The following AKAP6 variants were observed in gnomAD, a reference collection of about 807,000 sequenced individuals.
AKAP6 encodes the protein A-kinase anchoring protein 6, also known as A-kinase anchor protein 6.
AKAP6 carries 58 observed loss-of-function variants against 188.5 expected under a neutral mutation model. The ratio of observed to expected loss-of-function variants is 0.31; its 90% confidence interval spans 0.25 to 0.38. AKAP6 has a LOEUF of 0.38. Ranked by LOEUF, AKAP6 falls within the 10% of genes least tolerant of loss-of-function variation. AKAP6 has a pLI of 1.00. For synonymous variants in AKAP6, 989 were observed against 998.6 expected (o/e 0.99, Z 0.18); for missense variants, 2,710 against 2,740.0 (o/e 0.99, Z 0.24).
chr14:32,580,051 A>G (rs897576655), intron 5 of AKAP6, among the ~76,000 whole-genome samples: 6 of 152,150 alleles, frequency 3.9e-5, no homozygotes, highest in Admixed American at 3.9e-4. Flanking sequence ...TATTATAAAG[A>G]AAAATATAAA....
At chr14:32,707,189 T>A (rs1317614651) in intron 9 of AKAP6, among the ~76,000 whole-genome samples, 3 of 152,072 alleles carry the variant, frequency 2.0e-5, no homozygotes, top group African/African-American at 4.8e-5. Flanking sequence ...TTATTTAATT[T>A]AAAAAAATCT....
intron 1 of AKAP6, among the ~76,000 whole-genome samples, chr14:32,418,277 G>A (rs141060619): frequency 7.2e-5 from 11 of 152,306 alleles, no homozygotes; most frequent in Non-Finnish European, 1.2e-4. Flanking sequence ...CCTTCCAAAC[G>A]TCTGAATCAC....
chr14:32,386,389 T>C (rs1957647), intron 1 of AKAP6, among the ~76,000 whole-genome samples: 145,359 of 152,216 alleles, frequency 0.95, 69,450 homozygotes, highest in Non-Finnish European at 0.97. Flanking sequence ...GTTTGTTGGC[T>C]ATTTGTATGT....
At position 32,830,102 on chromosome 14, in the gene AKAP6, T is replaced by G; in HGVS notation, c.*297T>G. ...TCCCAAGCTACCTCTACCAACCCTC[T>G]CTCTCCAGCTAGACTTTTCTCTTTG... On this transcript the variant is annotated 3_prime_UTR_variant, in exon 14 of 14. Coordinates refer to ENST00000280979, the MANE Select transcript of AKAP6 (RefSeq NM_004274.5). 3.3e-6 allele frequency: 2 copies of G among 614,048 alleles called. No homozygotes were observed. Among genetic ancestry groups the G allele is most frequent in the Admixed American group, 2.5e-5 (1 of 39,564 alleles). The allele number at this position is 614,048 out of a possible 1,614,324, so 38.0% of individuals were successfully genotyped here.
chr14:32,457,923 C>A (rs1458816632), intron 2 of AKAP6, among the ~76,000 whole-genome samples: 1 of 152,192 alleles, frequency 6.6e-6, no homozygotes, highest in Non-Finnish European at 1.5e-5. Flanking sequence ...CAGTAACTCA[C>A]AATTATTTAC....
At position 32,542,896 on chromosome 14, in the gene AKAP6, T is replaced by C. The variant is rs567423366; in HGVS notation, c.577-2334T>C. On this transcript the variant is annotated intron_variant, in intron 3 of 13. Coordinates refer to ENST00000280979, the MANE Select transcript of AKAP6 (RefSeq NM_004274.5). ...CAATATATCTTTGCATTGAAGTGTG[T>C]CATTTTTTGTTTTTATTATTTTTAA... Among the ~76,000 whole-genome samples, 6 of 152,362 alleles carry C rather than the reference T, an allele frequency of 3.9e-5. No individual in the cohort carries two copies. In the East Asian group the frequency reaches 1.2e-3, roughly 29 times the overall value.
chr14:32,600,707 T>G lies in AKAP6; in HGVS notation c.2645T>G (p.Ile882Ser). The change falls in exon 7 of 14, where the codon ATT becomes AGT. Residue 882 changes from isoleucine to serine, a missense_variant. Ile to Ser is a moderately radical substitution (Grantham distance 142, BLOSUM62 -2). Coordinates refer to ENST00000280979, the MANE Select transcript of AKAP6 (RefSeq NM_004274.5). Reference sequence around the variant, plus strand: ...CAAATCAAACGGCAGCACAGCTGGATTCTCAGGGCTCTGGATACCATCAAA... The same window carrying G: ...CAAATCAAACGGCAGCACAGCTGGAGTCTCAGGGCTCTGGATACCATCAAA... ...QRQIKRQHSW[I>S]LRALDTIKAE... 1 of 1,613,700 alleles carries G rather than the reference T, an allele frequency of 6.2e-7. No homozygotes were observed. The highest frequency in any genetic ancestry group is 8.5e-7 in the Non-Finnish European group (1 of 1,179,838).
intron 1 of AKAP6, among the ~76,000 whole-genome samples, chr14:32,335,650 A>G (rs1216050146): frequency 6.6e-6 from 1 of 152,160 alleles, no homozygotes; most frequent in Non-Finnish European, 1.5e-5. Flanking sequence ...CATTGCTTTC[A>G]GGGGAGAAAT....
At chr14:32,755,697 T>G (rs898036179) in intron 11 of AKAP6, among the ~76,000 whole-genome samples, 1 of 152,046 alleles carries the variant, frequency 6.6e-6, no homozygotes. Context: ...CCAGCAACTT[T>G]TTGAATTTTT....
intron 7 of AKAP6, among the ~76,000 whole-genome samples, chr14:32,627,390 A>G (rs1887068009): frequency 6.6e-6 from 1 of 152,100 alleles, no homozygotes; most frequent in Admixed American, 6.6e-5. Flanking sequence ...ATATGGTATT[A>G]TTTTGTTTTT....
chr14:32,824,908 G>C (rs1420054470), intron 13 of AKAP6, 93 bp downstream of exon 13: 16 of 961,320 alleles, frequency 1.7e-5, no homozygotes, highest in Non-Finnish European at 2.1e-5. Context: ...AGAATGACCA[G>C]TTACGGCAGA....
chr14:32,643,535 TG>T (rs1197682306), intron 7 of AKAP6, among the ~76,000 whole-genome samples: 1 of 152,134 alleles, frequency 6.6e-6, no homozygotes, highest in Non-Finnish European at 1.5e-5. Context: ...CTTGAACTCC[TG>T]ACCTTGTGAT....
intron 1 of AKAP6, among the ~76,000 whole-genome samples, chr14:32,355,627 G>T (rs553512891): frequency 9.2e-5 from 14 of 152,146 alleles, no homozygotes; most frequent in Non-Finnish European, 1.9e-4. Flanking sequence ...CAATAGACAA[G>T]ATCTAGTGGT....
intron 1 of AKAP6, among the ~76,000 whole-genome samples, chr14:32,392,031 T>A (rs1888733322): frequency 6.6e-6 from 1 of 152,088 alleles, no homozygotes. Flanking sequence ...TAAAAAAAAA[T>A]CATCCAGGAT....
chr14:32,763,472 C>T (rs1330741222), intron 11 of AKAP6, among the ~76,000 whole-genome samples: 1 of 152,028 alleles, frequency 6.6e-6, no homozygotes, highest in Non-Finnish European at 1.5e-5. Context: ...TCATGACAAC[C>T]AGGAGACAAA....
intron 1 of AKAP6, among the ~76,000 whole-genome samples, chr14:32,419,263 G>T (rs940942719): frequency 1.3e-5 from 2 of 152,142 alleles, no homozygotes; most frequent in African/African-American, 4.8e-5. Context: ...AACAGCCCTT[G>T]CTATCTCTTG....
intron 12 of AKAP6, among the ~76,000 whole-genome samples, chr14:32,818,375 C>G (rs1331573912): frequency 1.3e-5 from 2 of 152,254 alleles, no homozygotes; most frequent in Non-Finnish European, 2.9e-5. Flanking sequence ...ATGCCCAAGT[C>G]TCTGATATAA....
intron 1 of AKAP6, among the ~76,000 whole-genome samples, chr14:32,386,719 T>C (rs1029974283): frequency 2.6e-5 from 4 of 152,208 alleles, no homozygotes; most frequent in African/African-American, 9.6e-5. Flanking sequence ...TGTTATCTTC[T>C]AGAATTTTTA....
chr14:32,538,671 A>G (rs76639719), intron 3 of AKAP6, among the ~76,000 whole-genome samples: 11,727 of 152,112 alleles, frequency 0.077, 605 homozygotes, highest in African/African-American at 0.14. Flanking sequence ...TTGTTCTGCA[A>G]TTTTCTATAT....
Sources: gnomAD v4.1 joint callset for allele counts (sites outside exome capture counted in the v4.1 genomes callset) on GRCh38, gnomAD v4.1.1 for gene constraint, MANE v1.5 for transcripts, NCBI Gene and HGNC (gene_info 2026-07-23, HGNC 2026-07-21) for gene names.